Variants in PRKCE observed in about 807,000 individuals in gnomAD.
PRKCE encodes the protein protein kinase C epsilon.
In PRKCE, 16 loss-of-function variants were observed where a neutral mutation model predicts 85.4. The ratio of observed to expected loss-of-function variants is 0.19; its 90% CI spans 0.13 to 0.28. The LOEUF is 0.28. Ranked by LOEUF, PRKCE falls within the 10% of genes least tolerant of loss-of-function variation. PRKCE has a pLI of 1.00. For missense variants in PRKCE, 573 were observed against 975.2 expected (o/e 0.59, Z 5.49); for synonymous variants, 388 against 371.5 (o/e 1.04, Z -0.51).
intron 6 of PRKCE, among the ~76,000 whole-genome samples, chr2:45,992,189 C>T (rs1703855736): frequency 6.6e-6 from 1 of 151,980 alleles, no homozygotes. Context: ...CACAGGAGTG[C>T]TTTGGTTGAC....
intron 1 of PRKCE, among the ~76,000 whole-genome samples, chr2:45,679,741 A>G (rs931953935): frequency 1.3e-5 from 2 of 151,830 alleles, no homozygotes; most frequent in Admixed American, 1.3e-4. Flanking sequence ...CTGCGGGTGT[A>G]TGTGGGGCCC....
At chr2:46,170,921 T>A (rs1024116051) in intron 14 of PRKCE, among the ~76,000 whole-genome samples, 4 of 152,316 alleles carry the variant, frequency 2.6e-5, no homozygotes, top group African/African-American at 9.6e-5. Context: ...CAGGGCCAGA[T>A]TGGAAAGTTT....
In PRKCE at chr2:45,744,478, TTTC is replaced by T. The variant is rs1558623722; in HGVS notation, c.348+92033_348+92035del. The stretch of plus-strand genomic sequence containing the variant: ...CTTTCTTTCTTTCTTTCTTTCTTTC[TTTC>T]TTTCTTTTTCTTTCTTTCTTTTCTT... On this transcript the variant is annotated intron_variant, in intron 1 of 14. Coordinates refer to ENST00000306156, the MANE Select transcript of PRKCE (RefSeq NM_005400.3). Among the ~76,000 whole-genome samples the T allele has an allele frequency of 2.5e-3, 148 of 58,504 alleles. 1 individual carries two copies. The highest frequency in any genetic ancestry group is 7.8e-3 in the African/African-American group (113 of 14,430). 38.4% of individuals were successfully genotyped at this position (58,504 alleles called of 152,430 possible).
chr2:46,067,514 G>A (rs1186214003), intron 10 of PRKCE, among the ~76,000 whole-genome samples: 1 of 152,132 alleles, frequency 6.6e-6, no homozygotes, highest in African/African-American at 2.4e-5. Flanking sequence ...TCTTCCACAT[G>A]TTTGGTGCGT....
At chr2:46,122,763 C>T (rs748192573) in intron 11 of PRKCE, among the ~76,000 whole-genome samples, 4 of 151,940 alleles carry the variant, frequency 2.6e-5, no homozygotes, top group Non-Finnish European at 4.4e-5. Context: ...TAGCATTGTC[C>T]CCATTTTACA....
intron 1 of PRKCE, among the ~76,000 whole-genome samples, chr2:45,784,042 A>G (rs1379536170): frequency 4.6e-5 from 7 of 152,270 alleles, no homozygotes; most frequent in African/African-American, 1.7e-4. Flanking sequence ...GCTGTATCCA[A>G]TATCTTCTCT....
chr2:46,098,439 T>A (rs900926885), intron 11 of PRKCE, among the ~76,000 whole-genome samples: 4 of 152,214 alleles, frequency 2.6e-5, no homozygotes, highest in African/African-American at 9.6e-5. Context: ...AATGTTATTA[T>A]TATCATTGTT....
chr2:45,861,332 C>T (rs373578947), intron 2 of PRKCE, among the ~76,000 whole-genome samples: 1 of 152,156 alleles, frequency 6.6e-6, no homozygotes, highest in Admixed American at 6.5e-5. Context: ...TTATAACACA[C>T]TGAGTTATGC....
chr2:45,842,595 C>T (rs758746687), intron 1 of PRKCE, among the ~76,000 whole-genome samples: 4 of 152,178 alleles, frequency 2.6e-5, no homozygotes, highest in African/African-American at 4.8e-5. Context: ...GCTTTCTCAA[C>T]CTCAACATCA....
intron 2 of PRKCE, among the ~76,000 whole-genome samples, chr2:45,923,752 G>A (rs1228131233): frequency 6.6e-6 from 1 of 152,172 alleles, no homozygotes; most frequent in Non-Finnish European, 1.5e-5. Flanking sequence ...GGTTGGGAAG[G>A]CTCCCTGGGG....
chr2:46,064,891 G>T (rs951587472), intron 10 of PRKCE, among the ~76,000 whole-genome samples: 1 of 152,188 alleles, frequency 6.6e-6, no homozygotes, highest in Admixed American at 6.5e-5. Flanking sequence ...AAGGACTGGG[G>T]CAGTGGGAAA....
chr2:45,717,273 C>G (rs545009333), intron 1 of PRKCE, among the ~76,000 whole-genome samples: 1 of 152,314 alleles, frequency 6.6e-6, no homozygotes, highest in South Asian at 2.1e-4. Context: ...GTTTGTGTGT[C>G]TGTCAAGTCT....
intron 10 of PRKCE, among the ~76,000 whole-genome samples, chr2:46,038,697 ACACAC>A (rs1708037057): frequency 6.9e-6 from 1 of 145,282 alleles, no homozygotes; most frequent in Non-Finnish European, 1.5e-5. Flanking sequence ...ACACACACAC[ACACAC>A]ATTTTCCAGA....
intron 1 of PRKCE, among the ~76,000 whole-genome samples, chr2:45,665,167 T>G (rs1259854012): frequency 6.6e-6 from 1 of 152,250 alleles, no homozygotes; most frequent in Non-Finnish European, 1.5e-5. Flanking sequence ...TTTTACATAA[T>G]TTACATTTAA....
At chr2:45,701,080 G>A (rs1395718302) in intron 1 of PRKCE, among the ~76,000 whole-genome samples, 1 of 152,138 alleles carries the variant, frequency 6.6e-6, no homozygotes, top group Non-Finnish European at 1.5e-5. Flanking sequence ...CCTTTTTGTG[G>A]CAGCCCTAGG....
intron 1 of PRKCE, among the ~76,000 whole-genome samples, chr2:45,742,406 G>C (rs1222192031): frequency 6.6e-6 from 1 of 151,000 alleles, no homozygotes; most frequent in East Asian, 1.9e-4. Context: ...CTGTACTCCA[G>C]CCTGGGTGAC....
At chr2:46,034,164 C>A (rs1707712417) in intron 10 of PRKCE, among the ~76,000 whole-genome samples, 2 of 152,212 alleles carry the variant, frequency 1.3e-5, no homozygotes, top group Non-Finnish European at 2.9e-5. Flanking sequence ...AGACTGCGGT[C>A]TGTGAGAGTC....
chr2:45,928,290 TAG>T (rs1698779803), intron 2 of PRKCE, among the ~76,000 whole-genome samples: 1 of 152,224 alleles, frequency 6.6e-6, no homozygotes, highest in Admixed American at 6.5e-5. Context: ...CTTTTTGAGA[TAG>T]AATCTCCCTC....
chr2:46,084,577 C>T (rs1347328876), intron 10 of PRKCE, among the ~76,000 whole-genome samples: 1 of 152,024 alleles, frequency 6.6e-6, no homozygotes, highest in Non-Finnish European at 1.5e-5. Flanking sequence ...AAAAAATTAA[C>T]TGGGCATGGT....
Sources: gnomAD v4.1 joint callset for allele counts (sites outside exome capture counted in the v4.1 genomes callset) on GRCh38, gnomAD v4.1.1 for gene constraint, MANE v1.5 for transcripts, NCBI Gene and HGNC (gene_info 2026-07-23, HGNC 2026-07-21) for gene names.